SIK2: variants seen among roughly 807,000 people sequenced by gnomAD.
SIK2 encodes the protein salt inducible kinase 2, also known as serine/threonine-protein kinase SIK2.
A neutral mutation model predicts 103.2 loss-of-function variants in SIK2; 29 were observed. The ratio of observed to expected loss-of-function variants is 0.28; its 90% CI spans 0.21 to 0.38. The LOEUF is 0.38. SIK2 is among the 10% of genes least tolerant of loss of function. SIK2 has a pLI of 1.00. For synonymous variants in SIK2, 412 were observed against 446.1 expected (o/e 0.92, Z 0.96); for missense variants, 879 against 1,171.0 (o/e 0.75, Z 3.64).
intron 2 of SIK2, among the ~76,000 whole-genome samples, chr11:111,617,432 G>T (rs193198349): frequency 1.5e-3 from 223 of 152,316 alleles, no homozygotes; most frequent in Non-Finnish European, 2.3e-3. Flanking sequence ...TTGATCTCCA[G>T]AGTGTGATGT....
intron 3 of SIK2, among the ~76,000 whole-genome samples, chr11:111,680,158 A>G (rs1942758852): frequency 6.6e-6 from 1 of 152,032 alleles, no homozygotes. Context: ...TCATAGTAAC[A>G]TTTTTGTACT....
chr11:111,629,022 A>G (rs1282102165), intron 3 of SIK2, among the ~76,000 whole-genome samples: 1 of 152,184 alleles, frequency 6.6e-6, no homozygotes, highest in Non-Finnish European at 1.5e-5. Context: ...AGATAAATCC[A>G]GCAGTGGTGT....
intron 8 of SIK2, among the ~76,000 whole-genome samples, chr11:111,706,844 C>T (rs545511620): frequency 8.3e-4 from 125 of 151,320 alleles, no homozygotes; most frequent in African/African-American, 2.9e-3. Flanking sequence ...CTTGTAGTCC[C>T]AGCTACTTGG....
At chr11:111,647,584 G>C (rs1213281359) in intron 3 of SIK2, among the ~76,000 whole-genome samples, 7 of 116,864 alleles carry the variant, frequency 6.0e-5, no homozygotes, top group Non-Finnish European at 1.2e-4. Flanking sequence ...AAAAAAAAAG[G>C]CTGAACACGG....
intron 3 of SIK2, among the ~76,000 whole-genome samples, chr11:111,643,809 G>T (rs1404862204): frequency 2.0e-5 from 3 of 150,150 alleles, no homozygotes; most frequent in African/African-American, 7.3e-5. Context: ...AAAAAAAAAA[G>T]AACTGTTCAT....
chr11:111,694,092 A>C (rs1413782094), intron 4 of SIK2, among the ~76,000 whole-genome samples: 1 of 152,216 alleles, frequency 6.6e-6, no homozygotes, highest in African/African-American at 2.4e-5. Flanking sequence ...ACTGTTTGTT[A>C]AATAAATTGT....
chr11:111,629,409 A>G (rs1301767241), intron 3 of SIK2, among the ~76,000 whole-genome samples: 3 of 152,188 alleles, frequency 2.0e-5, no homozygotes, highest in Admixed American at 2.0e-4. Context: ...ATTCCTGTTG[A>G]GTGTCAAGAA....
Position 111,705,584 on chromosome 11 carries a change from C to G in SIK2, c.1101+445C>G, listed in dbSNP as rs562068096. Among the ~76,000 whole-genome samples the G allele has an allele frequency of 6.6e-6, 1 of 152,126 alleles. No homozygotes were observed. The highest frequency in any genetic ancestry group is 1.9e-4 in the East Asian group (1 of 5,166). On this transcript the variant is annotated intron_variant, in intron 8 of 14. Transcript: ENST00000304987. The surrounding 1 kb of genome is among the most constrained non-coding windows in gnomAD (Gnocchi z 4.3). The stretch of plus-strand genomic sequence containing the variant: ...GGGAAAGATGAGAGCTGTAGCAGAG[C>G]AGGGACAGGGGAGAGAGGGGCACAT...
intron 3 of SIK2, among the ~76,000 whole-genome samples, chr11:111,677,534 C>T (rs1283866657): frequency 6.6e-6 from 1 of 151,566 alleles, no homozygotes; most frequent in South Asian, 2.1e-4. Flanking sequence ...TCTCCTACTT[C>T]TGCCTCCTGA....
intron 3 of SIK2, among the ~76,000 whole-genome samples, chr11:111,627,278 C>T (rs1309791066): frequency 2.6e-5 from 4 of 152,080 alleles, no homozygotes; most frequent in African/African-American, 9.7e-5. Flanking sequence ...TTAGTCCCCC[C>T]TATCAGAGGG....
At chr11:111,678,354 G>A (rs78984292) in intron 3 of SIK2, among the ~76,000 whole-genome samples, 1,562 of 152,290 alleles carry the variant, frequency 0.01, 28 homozygotes, top group African/African-American at 0.035. Context: ...GCCAAGCATC[G>A]TGAGAGACAC....
At position 111,722,658 on chromosome 11, in the gene SIK2, C is replaced by G. The variant is rs754223244; in HGVS notation, c.2056-7C>G. 1.9e-6 allele frequency: 3 copies of G among 1,612,956 alleles called. No individual in the cohort carries two copies. The highest frequency in any genetic ancestry group is 2.5e-6 in the Non-Finnish European group (3 of 1,179,594). On this transcript the variant is annotated splice_polypyrimidine_tract_variant and splice_region_variant and intron_variant, in intron 13 of 14. Transcript: ENST00000304987. The surrounding 1 kb of genome is among the most constrained non-coding windows in gnomAD (Gnocchi z 4.4). ...GTCACGCTCATGTTGTTTTTCTGCT[C>G]TTCCAGAAGCCCAGCCTTCTGTCAA...
chr11:111,618,959 C>T (rs756311687), intron 2 of SIK2, among the ~76,000 whole-genome samples: 3 of 152,146 alleles, frequency 2.0e-5, no homozygotes, highest in Admixed American at 6.5e-5. Flanking sequence ...TGTTCTCAAA[C>T]TTCTGGGCTC....
At chr11:111,606,418 C>T (rs1247899827) in intron 1 of SIK2, among the ~76,000 whole-genome samples, 1 of 151,870 alleles carries the variant, frequency 6.6e-6, no homozygotes, top group Admixed American at 6.6e-5. Context: ...TATTTAAATG[C>T]ATTTTTTCCA....
At chr11:111,693,524 C>A (rs1464973828) in intron 4 of SIK2, among the ~76,000 whole-genome samples, 2 of 152,118 alleles carry the variant, frequency 1.3e-5, no homozygotes, top group African/African-American at 2.4e-5. Context: ...CCTGTTTTGG[C>A]CCTGGCTGTT....
intron 9 of SIK2, among the ~76,000 whole-genome samples, chr11:111,716,773 G>A (rs537145579): frequency 6.6e-6 from 1 of 152,206 alleles, no homozygotes; most frequent in South Asian, 2.1e-4. Context: ...GTACTGCCGG[G>A]TATTTTGTGT....
At chr11:111,613,078 G>C (rs994785059) in intron 1 of SIK2, among the ~76,000 whole-genome samples, 1 of 151,590 alleles carries the variant, frequency 6.6e-6, no homozygotes, top group African/African-American at 2.4e-5. Context: ...AATTTAATTA[G>C]ATAACATTTT....
At chr11:111,625,193 G>T (rs1941946143) in intron 3 of SIK2, among the ~76,000 whole-genome samples, 1 of 152,156 alleles carries the variant, frequency 6.6e-6, no homozygotes, top group African/African-American at 2.4e-5. Flanking sequence ...CTGGATTTCA[G>T]CACAGAAGTG....
At chr11:111,681,587 C>T (rs1942778668) in intron 3 of SIK2, among the ~76,000 whole-genome samples, 1 of 152,116 alleles carries the variant, frequency 6.6e-6, no homozygotes, top group Non-Finnish European at 1.5e-5. Context: ...AACACACAAT[C>T]TTAATGGTCA....
Sources: allele counts gnomAD v4.1 joint callset (sites outside exome capture counted in the v4.1 genomes callset), GRCh38; gene constraint gnomAD v4.1.1; non-coding constraint Gnocchi (gnomAD v3.1); transcripts MANE v1.5; gene names NCBI Gene and HGNC (gene_info 2026-07-23, HGNC 2026-07-21).